RBM10: variants seen among roughly 807,000 people sequenced by gnomAD.
The protein encoded by RBM10 is RNA binding motif protein 10.
A neutral mutation model predicts 84.9 loss-of-function variants in RBM10; 1 was observed. The ratio of observed to expected loss-of-function variants is 0.01; its 90% CI spans 0.00 to 0.06. The LOEUF is 0.06. Among genes scored for constraint, RBM10 ranks in the 10% least tolerant of loss-of-function variants. RBM10 has a pLI of 1.00. For synonymous variants in RBM10, 326 were observed against 344.5 expected, an observed-to-expected ratio of 0.95 and a Z score of 0.60; for missense variants, 438 against 839.0, an observed-to-expected ratio of 0.52 and a Z score of 5.90.
chrX:47,173,994 T>C (rs1205787327), intron 5 of RBM10, among the ~76,000 whole-genome samples: 1 of 89,628 alleles, frequency 1.1e-5, no homozygotes, highest in Admixed American at 1.3e-4. Context: ...CATTCCATCC[T>C]CCTATGCATC....
rs1412049277 is a variant in RBM10 at position 47,186,455 on chromosome X, G to C, written c.2668-19G>C. ...CAGCATCCCCCACCAGCCTGACAGA[G>C]CCTGCCTCCCTCACACAGGCCCAAA... On this transcript the variant is annotated intron_variant, in intron 23 of 23. Coordinates refer to ENST00000377604, the MANE Select transcript of RBM10 (RefSeq NM_005676.5). 8.3e-7 allele frequency: 1 copy of C among 1,204,168 alleles called. No individual in the cohort carries two copies. The highest frequency in any genetic ancestry group is 2.2e-5 in the Admixed American group (1 of 45,243).
At chrX:47,166,834 G>A (rs912992401) in intron 2 of RBM10, among the ~76,000 whole-genome samples, 25 of 105,851 alleles carry the variant, frequency 2.4e-4, no homozygotes, top group African/African-American at 7.6e-4. Flanking sequence ...GGAGTGCAGT[G>A]GTGCGATCTC....
chrX:47,153,864 C>A (rs1412799514), intron 2 of RBM10, among the ~76,000 whole-genome samples: 3 of 111,003 alleles, frequency 2.7e-5, no homozygotes, highest in Non-Finnish European at 5.7e-5. Context: ...TCGAGACGAT[C>A]CTGGGCAACA....
At position 47,181,858 on chromosome X, in the gene RBM10, G is replaced by A. The variant is rs1157322935; in HGVS notation, c.1685G>A (p.Ser562Asn). The change falls in exon 15 of 24, where the codon AGC (serine) becomes AAC (asparagine). Residue 562 changes from serine to asparagine, a missense_variant. By Grantham distance (46) the Ser-to-Asn change is conservative. Around this residue, in one of 8 missense-constraint regions of RBM10, gnomAD observed 39 missense variants for 119.5 expected, o/e 0.33. Coordinates refer to ENST00000377604, the MANE Select transcript of RBM10 (RefSeq NM_005676.5). ...AGCCCCACTGCCCAGGAATCCTACAGCCAGTACCGTGAGTAGCCACAGCCT... is the reference window on the plus strand; with the variant it reads ...AGCCCCACTGCCCAGGAATCCTACAACCAGTACCGTGAGTAGCCACAGCCT... ...ATSPTAQESY[S>N]QYPVPDVSTY... The A allele has an allele frequency of 1.7e-6, 2 of 1,209,818 alleles. No homozygotes were observed. Among genetic ancestry groups the A allele is most frequent in the African/African-American group, 1.8e-5 (1 of 57,108 alleles).
rs1933217183 is a variant in RBM10 at position 47,157,089 on chromosome X, A to T, written c.17+9591A>T. 7 of 268,264 alleles carry T rather than the reference A, an allele frequency of 2.6e-5. No homozygotes were observed. The South Asian group carries it at 2.7e-4, about 10-fold the overall frequency. The allele number at this position is 268,264 out of a possible 1,213,427, so 22.1% of individuals were successfully genotyped here. Reference sequence around the variant, plus strand: ...CAGTGCCTGCCGCAGGGCCCGGGGGAGTTCCCGGATGACCTCTTTGCTCGG... The same window carrying T: ...CAGTGCCTGCCGCAGGGCCCGGGGGTGTTCCCGGATGACCTCTTTGCTCGG... On this transcript the variant is annotated intron_variant, in intron 2 of 23. Transcript: ENST00000377604.
At chrX:47,148,285 T>C (rs1932466426) in intron 2 of RBM10, among the ~76,000 whole-genome samples, 1 of 112,795 alleles carries the variant, frequency 8.9e-6, no homozygotes, top group South Asian at 3.6e-4. Flanking sequence ...TTATTCAGTC[T>C]TGGCTTTCAT....
In RBM10 at chrX:47,186,264, C is replaced by T. The variant is rs782028481; in HGVS notation, c.2544C>T (p.Phe848=). The change falls in exon 23 of 24, where the codon TTC becomes TTT. Residue 848 remains phenylalanine (F), a synonymous_variant. Transcript: ENST00000377604. ...CTGTGCACCGCCCCTGCAGAGACTT[C>T]GAGCAGCCTACTCGGGACGGGCTGG... ...YGGISTASVD[F]EQPTRDGLGS... 6.6e-6 allele frequency: 8 copies of T among 1,209,102 alleles called. No individual in the cohort carries two copies. Among genetic ancestry groups the T allele is most frequent in the Admixed American group, 2.2e-5 (1 of 45,743 alleles).
chrX:47,181,725 TCTC>T (rs782258807), intron 14 of RBM10, 21 bp from the exon 15 acceptor site: 2 of 1,209,965 alleles, frequency 1.7e-6, no homozygotes, highest in East Asian at 5.9e-5. Flanking sequence ...TGAGCCCTGT[TCTC>T]CTGTCTGGCC....
chrX:47,159,228 G>T (rs1338289389), intron 2 of RBM10, among the ~76,000 whole-genome samples: 3 of 111,208 alleles, frequency 2.7e-5, no homozygotes, highest in African/African-American at 9.8e-5. Context: ...TGACCAACAT[G>T]GAGAAACGCC....
chrX:47,164,035 A>AT (rs532201997), intron 2 of RBM10, among the ~76,000 whole-genome samples: 2,028 of 107,588 alleles, frequency 0.019, 28 homozygotes, highest in Non-Finnish European at 0.025. Flanking sequence ...CGCCCGGCTA[A>AT]TTTTTTGTAT....
chrX:47,181,576 G>A lies in RBM10; in HGVS notation c.1505G>A (p.Gly502Asp), dbSNP rs1454082578. Residue 502 changes from glycine (G) to aspartate (D), a missense_variant, in exon 14 of 24, where the codon GGT becomes GAT. By Grantham distance (94) the Gly-to-Asp change is moderately conservative (BLOSUM62 -1). This residue lies in a region of RBM10 where 97 missense variants were observed against 110.3 expected (regional missense o/e 0.88). Coordinates refer to ENST00000377604, the MANE Select transcript of RBM10 (RefSeq NM_005676.5). Reference protein sequence around the residue: ...SMQAFSRAQPGAAPGIYQQSA... With the variant: ...SMQAFSRAQPDAAPGIYQQSA... ...CAGGCTTTCTCTCGCGCCCAGCCTG[G>A]TGCTGCTCCTGGCATCTACCAACAA... 3 of 1,208,633 alleles carry A rather than the reference G, an allele frequency of 2.5e-6. No individual in the cohort carries two copies. The highest frequency in any genetic ancestry group is 3.4e-6 in the Non-Finnish European group (3 of 894,610).
Position 47,145,403 on chromosome X carries a change from G to T in RBM10, c.-208G>T, listed in dbSNP as rs1556761591. ...CTTGGTTGTTGCGCGCTCCGGCTCC[G>T]GCTGAGCTGGGAGAGTTGGAGGAGG... is the stretch of plus-strand genomic sequence containing the variant. On this transcript the variant is annotated 5_prime_UTR_variant, in exon 1 of 24. Coordinates refer to ENST00000377604, the MANE Select transcript of RBM10 (RefSeq NM_005676.5). 8.8e-7 allele frequency: 1 copy of T among 1,140,225 alleles called. No homozygotes were observed. The allele number at this position is 1,140,225 out of a possible 1,213,427, so 94.0% of individuals were successfully genotyped here. A position where few individuals can be genotyped will look rare whatever the true frequency, so the allele number is the denominator to read the frequency against.
At chrX:47,166,779 CTTTTTTT>C (rs782819269) in intron 2 of RBM10, among the ~76,000 whole-genome samples, 5 of 91,067 alleles carry the variant, frequency 5.5e-5, no homozygotes, top group African/African-American at 2.0e-4. Context: ...GCAAAATTTT[CTTTTTTT>C]TTTTTTTTTG....
At chrX:47,186,437 C>A (rs1935917444) in intron 23 of RBM10, 37 bp from the exon 24 acceptor site, 1 of 1,200,812 alleles carries the variant, frequency 8.3e-7, no homozygotes, top group East Asian at 3.0e-5. Context: ...TCACAGCATC[C>A]CCCACCAGCC....
rs2147198112 is a variant in RBM10 at position 47,182,182 on chromosome X, C to A, written c.1806C>A (p.Ser602Arg). The A allele has an allele frequency of 8.3e-7, 1 of 1,212,024 alleles. No individual in the cohort carries two copies. The highest frequency in any genetic ancestry group is 1.1e-6 in the Non-Finnish European group (1 of 895,584). ...CTCAGTATTACTACAATGCTCAGAGCCAGCAGTACCTGTACTGGGATGGGG... is the reference window on the plus strand; with the variant it reads ...CTCAGTATTACTACAATGCTCAGAGACAGCAGTACCTGTACTGGGATGGGG... ...PNSQYYYNAQ[S>R]QQYLYWDGER... The change falls in exon 17 of 24, where the codon AGC (serine) becomes AGA (arginine). Residue 602 changes from serine to arginine, a missense_variant. This residue lies in a region of RBM10 where 39 missense variants were observed against 119.5 expected (regional missense o/e 0.33). Coordinates refer to ENST00000377604, the MANE Select transcript of RBM10 (RefSeq NM_005676.5).
chrX:47,173,230 G>A, intron 5 of RBM10, 33 bp downstream of exon 5: 1 of 1,207,512 alleles, frequency 8.3e-7, no homozygotes, highest in African/African-American at 1.7e-5. Flanking sequence ...TCCCCTTCAA[G>A]TGGCCAGCCT....
rs782662158 is a variant in RBM10, at chrX:47,182,152, C to T, written c.1786-10C>T. 2.5e-6 allele frequency: 3 copies of T among 1,211,923 alleles called. No individual in the cohort carries two copies. Among genetic ancestry groups the T allele is most frequent in the East Asian group, 3.0e-5 (1 of 33,842 alleles). On this transcript the variant is annotated splice_polypyrimidine_tract_variant and intron_variant, in intron 16 of 23. Coordinates refer to ENST00000377604, the MANE Select transcript of RBM10 (RefSeq NM_005676.5). ...TCCCTCACATCCCCTCTTCCCTCCTCCTCCCTCAGTATTACTACAATGCTC... is the reference window on the plus strand; with the variant it reads ...TCCCTCACATCCCCTCTTCCCTCCTTCTCCCTCAGTATTACTACAATGCTC...
intron 2 of RBM10, 118 bp from the exon 3 acceptor site, chrX:47,169,194 CACT>C (rs1934454885): frequency 5.2e-6 from 3 of 578,520 alleles, no homozygotes; most frequent in Non-Finnish European, 8.1e-6. Flanking sequence ...AAGGGCACCT[CACT>C]TCTGTTGTAT....
At chrX:47,164,026 G>A (rs1388573474) in intron 2 of RBM10, among the ~76,000 whole-genome samples, 2 of 107,531 alleles carry the variant, frequency 1.9e-5, no homozygotes, top group Admixed American at 2.0e-4. Flanking sequence ...CCGCCACCAC[G>A]CCCGGCTAAT....
Sources: gnomAD v4.1 joint callset for allele counts (sites outside exome capture counted in the v4.1 genomes callset) on GRCh38, gnomAD v4.1.1 for gene constraint, gnomAD v4.1.1 regional missense constraint, MANE v1.5 for transcripts, NCBI Gene and HGNC (gene_info 2026-07-23, HGNC 2026-07-21) for gene names.